The following ITPRID1 variants were observed in gnomAD, a reference collection of about 807,000 sequenced individuals.
The protein encoded by ITPRID1 is protein ITPRID1.
ITPRID1 carries 96 observed loss-of-function variants against 95.4 expected under a neutral mutation model. That is an observed-to-expected ratio of 1.01 (90% CI 0.85 to 1.19). The LOEUF (loss-of-function observed/expected upper bound fraction) is 1.19. Ranked by LOEUF, ITPRID1 falls within the 50% of genes most tolerant of loss-of-function variation. The pLI is 0.00. For missense variants in ITPRID1, 1,339 were observed against 1,252.9 expected (o/e 1.07, Z -1.04); for synonymous variants, 510 against 453.6 (o/e 1.12, Z -1.58).
At chr7:31,609,755 T>TTTGTA (rs1786784044) in intron 10 of ITPRID1, among the ~76,000 whole-genome samples, 1 of 151,604 alleles carries the variant, frequency 6.6e-6, no homozygotes, top group Admixed American at 6.6e-5. Flanking sequence ...TTTAAAATTC[T>TTTGTA]TTGTATTGTT....
chr7:31,545,800 C>T (rs1319058305), intron 1 of ITPRID1, among the ~76,000 whole-genome samples: 7 of 152,050 alleles, frequency 4.6e-5, no homozygotes, highest in African/African-American at 1.7e-4. Flanking sequence ...GTTGACAGAA[C>T]ACTCTATTCC....
intron 10 of ITPRID1, among the ~76,000 whole-genome samples, chr7:31,599,381 C>T (rs2128158862): frequency 6.6e-6 from 1 of 151,992 alleles, no homozygotes; most frequent in Admixed American, 6.6e-5. Context: ...AAAGTAAAAG[C>T]ACAAAAATAT....
chr7:31,642,086 T>G (rs1163958101), intron 10 of ITPRID1, 90 bp from the exon 11 acceptor site: 4 of 757,096 alleles, frequency 5.3e-6, no homozygotes, highest in African/African-American at 1.8e-5. Flanking sequence ...GCAGGATCCA[T>G]GGTGTGTCAG....
At chr7:31,569,607 T>C in intron 5 of ITPRID1, 151 bp from the exon 6 acceptor site, 2 of 596,152 alleles carry the variant, frequency 3.4e-6, no homozygotes, top group Middle Eastern at 7.1e-4. Flanking sequence ...AATTTCATTC[T>C]GTCTATTCAC....
In ITPRID1 at chr7:31,567,982, C is replaced by A. The variant is rs76512558; in HGVS notation, c.257-1776C>A. 3.0e-3 allele frequency among the ~76,000 whole-genome samples: 462 copies of A among 152,042 alleles called. 3 individuals are homozygous for A. The highest frequency in any genetic ancestry group is 0.011 in the African/African-American group (441 of 41,494). On this transcript the variant is annotated intron_variant, in intron 5 of 14. Coordinates refer to ENST00000615280, the MANE Select transcript of ITPRID1 (RefSeq NM_001257967.3). Reference sequence around the variant, plus strand: ...CTCTACTAAGATTCAAAAAACTAGACGGACATGGTGGTACACACCTGTAAT... The same window carrying A: ...CTCTACTAAGATTCAAAAAACTAGAAGGACATGGTGGTACACACCTGTAAT...
At chr7:31,530,463 T>C (rs1783560101) in intron 1 of ITPRID1, among the ~76,000 whole-genome samples, 1 of 152,172 alleles carries the variant, frequency 6.6e-6, no homozygotes, top group Non-Finnish European at 1.5e-5. Flanking sequence ...TTTAGATCAA[T>C]AGCGTATCTG....
chr7:31,523,029 A>C (rs1783316096), intron 1 of ITPRID1, among the ~76,000 whole-genome samples: 2 of 152,156 alleles, frequency 1.3e-5, no homozygotes, highest in South Asian at 2.1e-4. Context: ...GTAGATAGTG[A>C]GTTTTTGATT....
At chr7:31,599,666 C>T (rs13312311) in intron 10 of ITPRID1, among the ~76,000 whole-genome samples, 3,750 of 50,070 alleles carry the variant, frequency 0.075, 217 homozygotes, top group African/African-American at 0.12. Flanking sequence ...TTTCCTTTCT[C>T]TCTCTCTCTC....
intron 10 of ITPRID1, among the ~76,000 whole-genome samples, chr7:31,615,285 G>C (rs1371482367): frequency 6.6e-6 from 1 of 152,074 alleles, no homozygotes; most frequent in African/African-American, 2.4e-5. Context: ...GATAGGATCA[G>C]GTCATAAGTA....
At chr7:31,566,839 G>A (rs1784817443) in intron 5 of ITPRID1, among the ~76,000 whole-genome samples, 1 of 152,188 alleles carries the variant, frequency 6.6e-6, no homozygotes, top group Non-Finnish European at 1.5e-5. Context: ...GAGCAAGAAT[G>A]CCGCAATGGA....
At position 31,655,673 on chromosome 7, in the gene ITPRID1, G is replaced by T; in HGVS notation, c.*2844G>T. ...CCCTTTTTGCCACATCCCCATCTTGGCTCCTATATCATGGCTCAGCTCCCA... is the reference window on the plus strand; with the variant it reads ...CCCTTTTTGCCACATCCCCATCTTGTCTCCTATATCATGGCTCAGCTCCCA... On this transcript the variant is annotated 3_prime_UTR_variant, in exon 15 of 15. Coordinates refer to ENST00000615280, the MANE Select transcript of ITPRID1 (RefSeq NM_001257967.3). 1 of 933,066 alleles carries T rather than the reference G, an allele frequency of 1.1e-6. No homozygotes were observed. Among genetic ancestry groups the T allele is most frequent in the Non-Finnish European group, 1.3e-6 (1 of 781,974 alleles). The allele number at this position is 933,066 out of a possible 1,614,324, so 57.8% of individuals were successfully genotyped here. A position where few individuals can be genotyped will look rare whatever the true frequency, so the allele number is the denominator to read the frequency against.
At chr7:31,538,147 A>G (rs960329941) in intron 1 of ITPRID1, among the ~76,000 whole-genome samples, 1 of 152,190 alleles carries the variant, frequency 6.6e-6, no homozygotes, top group Non-Finnish European at 1.5e-5. Context: ...AAATTATTGG[A>G]CATAAGGCTA....
chr7:31,642,318 C>T, intron 11 of ITPRID1, 60 bp downstream of exon 11: 1 of 1,167,534 alleles, frequency 8.6e-7, no homozygotes, highest in Admixed American at 2.6e-5. Context: ...TCAGCCCTAT[C>T]AACCAGGCTG....
At chr7:31,617,103 G>A (rs150736110) in intron 10 of ITPRID1, among the ~76,000 whole-genome samples, 54 of 152,244 alleles carry the variant, frequency 3.5e-4, no homozygotes, top group African/African-American at 1.2e-3. Context: ...CTTCAGTGGT[G>A]GGTGAGCTCG....
At chr7:31,530,320 AT>A (rs1320030722) in intron 1 of ITPRID1, among the ~76,000 whole-genome samples, 1 of 152,166 alleles carries the variant, frequency 6.6e-6, no homozygotes, top group Non-Finnish European at 1.5e-5. Flanking sequence ...GAACTTTCTC[AT>A]TTTTAATTAA....
chr7:31,619,532 C>T (rs1279970344), intron 10 of ITPRID1, among the ~76,000 whole-genome samples: 2 of 66,948 alleles, frequency 3.0e-5, no homozygotes, highest in Non-Finnish European at 6.4e-5. Context: ...TATTTTCAAT[C>T]TCCAAAATTT....
At position 31,652,942 on chromosome 7, in the gene ITPRID1, A is replaced by G. The variant is rs1791095802; in HGVS notation, c.*113A>G. 1.3e-6 allele frequency: 2 copies of G among 1,500,140 alleles called. No homozygotes were observed. Among genetic ancestry groups the G allele is most frequent in the Non-Finnish European group, 1.8e-6 (2 of 1,126,536 alleles). The allele number at this position is 1,500,140 out of a possible 1,614,324, so 92.9% of individuals were successfully genotyped here. A position where few individuals can be genotyped will look rare whatever the true frequency, so the allele number is the denominator to read the frequency against. On this transcript the variant is annotated 3_prime_UTR_variant, in exon 15 of 15. Transcript: ENST00000615280. ...GGTCTGCCAACCCATTGTCAGCTATATCTCTCATATTCTACCCTTTGGTTA... is the reference window on the plus strand; with the variant it reads ...GGTCTGCCAACCCATTGTCAGCTATGTCTCTCATATTCTACCCTTTGGTTA...
intron 10 of ITPRID1, among the ~76,000 whole-genome samples, chr7:31,617,778 A>G (rs571237267): frequency 6.6e-6 from 1 of 152,286 alleles, no homozygotes; most frequent in East Asian, 1.9e-4. Context: ...GAAATTGAAG[A>G]TAATAAAGAT....
rs73686912 is a variant in ITPRID1 at position 31,654,465 on chromosome 7, G to A, written c.*1636G>A. 0.032 allele frequency among the ~76,000 whole-genome samples: 4,852 copies of A among 152,182 alleles called. 285 individuals are homozygous for A. Among genetic ancestry groups the A allele is most frequent in the African/African-American group, 0.11 (4,570 of 41,476 alleles). On this transcript the variant is annotated 3_prime_UTR_variant, in exon 15 of 15. Coordinates refer to ENST00000615280, the MANE Select transcript of ITPRID1 (RefSeq NM_001257967.3). ...GCCACTGTGGGTTTTAAGCAGGGTC[G>A]TCATATAATCTGATTTACGTTTTGA...
Sources: gnomAD v4.1 joint callset for allele counts (sites outside exome capture counted in the v4.1 genomes callset) on GRCh38, gnomAD v4.1.1 for gene constraint, MANE v1.5 for transcripts, NCBI Gene and HGNC (gene_info 2026-07-23, HGNC 2026-07-21) for gene names.